The following LUZP1 variants were observed in gnomAD, a reference collection of about 807,000 sequenced individuals.
LUZP1 encodes the protein filamin mechanobinding actin cross-linking protein.
Under a neutral mutation model 71.3 loss-of-function variants are expected in LUZP1, and 25 were observed. That is an observed-to-expected ratio of 0.35 (90% CI 0.26 to 0.49). LUZP1 has a LOEUF of 0.49. LUZP1 is among the 20% of genes least tolerant of loss of function. LUZP1 has a pLI of 0.99. For missense variants in LUZP1, 1,142 were observed against 1,300.8 expected (o/e 0.88, Z 1.88); for synonymous variants, 481 against 506.4 (o/e 0.95, Z 0.67).
intron 2 of LUZP1, among the ~76,000 whole-genome samples, chr1:23,163,782 G>C (rs772896032): frequency 3.3e-5 from 5 of 152,112 alleles, no homozygotes; most frequent in Non-Finnish European, 5.9e-5. Flanking sequence ...ATACAACTGA[G>C]AGTGTAATGA....
chr1:23,094,126 C>A lies in LUZP1; in HGVS notation c.136G>T (p.Asp46Tyr). 6.2e-7 allele frequency: 1 copy of A among 1,614,204 alleles called. No individual in the cohort carries two copies. Among genetic ancestry groups the A allele is most frequent in the East Asian group, 2.2e-5 (1 of 44,884 alleles). The change falls in exon 4 of 5, where the codon GAT becomes TAT. Residue 46 changes from aspartate (D) to tyrosine (Y), a missense_variant. By Grantham distance (160) the Asp-to-Tyr change is radical (BLOSUM62 -3). Transcript: ENST00000302291. The surrounding 1 kb of genome is among the most constrained non-coding windows in gnomAD (Gnocchi z 4.7). ...GCCTGAATCACCTTGTCCTGGAGAT[C>A]CAGGAGTTCATCCTCTGCTTTCTGG...
intron 2 of LUZP1, among the ~76,000 whole-genome samples, chr1:23,142,050 TG>T (rs2124709477): frequency 6.6e-6 from 1 of 151,912 alleles, no homozygotes; most frequent in South Asian, 2.1e-4. Context: ...TTCTCCATGT[TG>T]GTCAGAGTGG....
At chr1:23,154,326 G>A (rs374465976) in intron 2 of LUZP1, among the ~76,000 whole-genome samples, 9 of 151,786 alleles carry the variant, frequency 5.9e-5, no homozygotes, top group African/African-American at 2.2e-4. Flanking sequence ...GAGGCCAAGA[G>A]TTCAACACCA....
At chr1:23,135,153 C>T (rs1644243954) in intron 2 of LUZP1, among the ~76,000 whole-genome samples, 1 of 152,170 alleles carries the variant, frequency 6.6e-6, no homozygotes, top group African/African-American at 2.4e-5. Flanking sequence ...CAAAATTTTT[C>T]AAACTTTGGA....
At chr1:23,146,866 G>A (rs1221843649) in intron 2 of LUZP1, among the ~76,000 whole-genome samples, 1 of 151,976 alleles carries the variant, frequency 6.6e-6, no homozygotes, top group Admixed American at 6.5e-5. Context: ...GGGAGGCCGA[G>A]GCAGGCGGAT....
chr1:23,100,894 C>T (rs113400255), intron 3 of LUZP1, among the ~76,000 whole-genome samples: 34 of 152,136 alleles, frequency 2.2e-4, no homozygotes, highest in East Asian at 1.9e-4. Context: ...AACAAGGAAA[C>T]GGACTCAGAA....
intron 3 of LUZP1, among the ~76,000 whole-genome samples, chr1:23,104,464 G>A (rs1380804339): frequency 1.3e-5 from 2 of 152,096 alleles, no homozygotes; most frequent in Non-Finnish European, 2.9e-5. Context: ...GATTACAGGT[G>A]TGAGCCACCA....
At chr1:23,116,693 G>C (rs1047168186) in intron 2 of LUZP1, among the ~76,000 whole-genome samples, 6 of 152,042 alleles carry the variant, frequency 3.9e-5, no homozygotes, top group Non-Finnish European at 1.5e-5. Context: ...TAGAGTTGAG[G>C]ATCAGTTTTG....
At chr1:23,144,889 G>A (rs1234387473) in intron 2 of LUZP1, among the ~76,000 whole-genome samples, 1 of 151,912 alleles carries the variant, frequency 6.6e-6, no homozygotes, top group Non-Finnish European at 1.5e-5. Context: ...GGGTTTTGGG[G>A]GGATTTTTTG....
chr1:23,142,102 T>TC (rs997144084), intron 2 of LUZP1, among the ~76,000 whole-genome samples: 3 of 152,060 alleles, frequency 2.0e-5, no homozygotes, highest in African/African-American at 7.2e-5. Flanking sequence ...CGCCTCAGCC[T>TC]CCCAAAGTGC....
upstream of LUZP1, among the ~76,000 whole-genome samples, chr1:23,178,022 T>A (rs1341181614): frequency 6.6e-6 from 1 of 152,222 alleles, no homozygotes; most frequent in African/African-American, 2.4e-5. Context: ...TCCTTGTTAA[T>A]TCAGGTTCCT....
chr1:23,148,016 C>T (rs1644356689), intron 2 of LUZP1, among the ~76,000 whole-genome samples: 1 of 152,094 alleles, frequency 6.6e-6, no homozygotes, highest in African/African-American at 2.4e-5. Context: ...ATATAAACTG[C>T]CACATTTCTA....
downstream of LUZP1, among the ~76,000 whole-genome samples, chr1:23,083,865 A>AG (rs921771756): frequency 6.6e-6 from 1 of 152,100 alleles, no homozygotes; most frequent in Non-Finnish European, 1.5e-5. Flanking sequence ...AAGATAAGGT[A>AG]GGGGGGCCGG....
intron 2 of LUZP1, among the ~76,000 whole-genome samples, chr1:23,125,299 T>C (rs1184149274): frequency 6.6e-6 from 1 of 152,188 alleles, no homozygotes; most frequent in Admixed American, 6.5e-5. Context: ...CTGCGACCCC[T>C]GTAAGGATCT....
chr1:23,142,908 A>T (rs1295724660), intron 2 of LUZP1, among the ~76,000 whole-genome samples: 1 of 151,614 alleles, frequency 6.6e-6, no homozygotes, highest in Non-Finnish European at 1.5e-5. Context: ...GCTCATACCT[A>T]TAATCCTGGC....
intron 2 of LUZP1, among the ~76,000 whole-genome samples, chr1:23,165,182 A>T (rs1289954452): frequency 6.6e-6 from 1 of 152,180 alleles, no homozygotes; most frequent in Non-Finnish European, 1.5e-5. Flanking sequence ...TGAGCATAGA[A>T]ACCTCATAAC....
At chr1:23,164,474 A>G (rs547761884) in intron 2 of LUZP1, among the ~76,000 whole-genome samples, 60 of 152,044 alleles carry the variant, frequency 3.9e-4, no homozygotes, top group African/African-American at 1.4e-3. Context: ...CCTGGGTGAC[A>G]CAGTGAGACA....
chr1:23,102,132 G>A (rs1643936441), intron 3 of LUZP1, among the ~76,000 whole-genome samples: 1 of 152,052 alleles, frequency 6.6e-6, no homozygotes, highest in South Asian at 2.1e-4. Context: ...GAAGGAAACT[G>A]TTTATATTAA....
intron 3 of LUZP1, among the ~76,000 whole-genome samples, chr1:23,095,195 T>C (rs1428679593): frequency 2.0e-5 from 3 of 152,226 alleles, no homozygotes; most frequent in Non-Finnish European, 4.4e-5. Flanking sequence ...AGGTTTAGTT[T>C]TTTTATGTAA....
Sources: gnomAD v4.1 joint callset for allele counts (sites outside exome capture counted in the v4.1 genomes callset) on GRCh38, gnomAD v4.1.1 for gene constraint, Gnocchi (gnomAD v3.1) non-coding constraint, MANE v1.5 for transcripts, NCBI Gene and HGNC (gene_info 2026-07-23, HGNC 2026-07-21) for gene names.